The following KCTD16 variants were observed in gnomAD, a reference collection of about 807,000 sequenced individuals.
KCTD16 encodes the protein potassium channel tetramerization domain containing 16.
KCTD16 carries 13 observed loss-of-function variants against 33.2 expected under a neutral mutation model. The observed-to-expected ratio is 0.39, with a 90% CI of 0.25 to 0.62. The LOEUF (loss-of-function observed/expected upper bound fraction) is 0.62, where lower values mean the gene tolerates loss of function less well. KCTD16 is among the 20% of genes least tolerant of loss of function. The pLI, the probability that KCTD16 is intolerant of heterozygous loss-of-function variation, is 0.50. For missense variants in KCTD16, 441 were observed against 525.1 expected, an observed-to-expected ratio of 0.84 and a Z score of 1.57; for synonymous variants, 197 against 195.3, an observed-to-expected ratio of 1.01 and a Z score of -0.07.
chr5:144,437,235 C>G (rs1035420711), intron 3 of KCTD16, among the ~76,000 whole-genome samples: 1 of 152,112 alleles, frequency 6.6e-6, no homozygotes. Context: ...TGGGAGTAAT[C>G]AACTCACCAA....
chr5:144,430,536 A>C (rs1324671022), intron 3 of KCTD16, among the ~76,000 whole-genome samples: 2 of 152,128 alleles, frequency 1.3e-5, no homozygotes, highest in Non-Finnish European at 2.9e-5. Flanking sequence ...CTCATTGCTA[A>C]AATGAGAGAG....
chr5:144,196,813 G>A (rs1317625444), intron 2 of KCTD16, among the ~76,000 whole-genome samples: 5 of 152,326 alleles, frequency 3.3e-5, no homozygotes, highest in South Asian at 4.1e-4. Context: ...TATTGGAACT[G>A]CACATTGCAA....
At chr5:144,349,271 C>T (rs954210314) in intron 3 of KCTD16, among the ~76,000 whole-genome samples, 14 of 152,082 alleles carry the variant, frequency 9.2e-5, no homozygotes, top group African/African-American at 3.4e-4. Flanking sequence ...TAATTCTGAC[C>T]ACCTGGATTT....
At chr5:144,409,688 T>C (rs1200231384) in intron 3 of KCTD16, among the ~76,000 whole-genome samples, 1 of 151,846 alleles carries the variant, frequency 6.6e-6, no homozygotes, top group Non-Finnish European at 1.5e-5. Flanking sequence ...TGAAACCCCA[T>C]CTCTACTAAA....
intron 3 of KCTD16, among the ~76,000 whole-genome samples, chr5:144,233,537 C>A (rs1754166065): frequency 1.3e-5 from 2 of 152,084 alleles, no homozygotes; most frequent in African/African-American, 4.8e-5. Context: ...TTATTCCCCC[C>A]ACATCCAAAC....
intron 3 of KCTD16, among the ~76,000 whole-genome samples, chr5:144,373,833 A>G (rs1236326356): frequency 6.6e-6 from 1 of 152,204 alleles, no homozygotes; most frequent in Non-Finnish European, 1.5e-5. Flanking sequence ...ATGTGATTAC[A>G]TTGCTAATTG....
At chr5:144,296,150 A>G (rs954647363) in intron 3 of KCTD16, among the ~76,000 whole-genome samples, 2 of 152,178 alleles carry the variant, frequency 1.3e-5, no homozygotes, top group African/African-American at 2.4e-5. Context: ...ACTTCTCTAC[A>G]GAACAGTTAC....
chr5:144,452,016 G>A (rs780712579), intron 3 of KCTD16, among the ~76,000 whole-genome samples: 5 of 151,706 alleles, frequency 3.3e-5, no homozygotes, highest in South Asian at 2.1e-4. Context: ...TCTCTTTGGC[G>A]TTACAAACAG....
intron 3 of KCTD16, among the ~76,000 whole-genome samples, chr5:144,352,054 A>G (rs895719036): frequency 1.3e-5 from 2 of 152,198 alleles, no homozygotes; most frequent in South Asian, 2.1e-4. Context: ...AAATAAGTAT[A>G]TGTGTTCGTG....
At chr5:144,364,495 C>G (rs1439213475) in intron 3 of KCTD16, among the ~76,000 whole-genome samples, 1 of 152,118 alleles carries the variant, frequency 6.6e-6, no homozygotes, top group African/African-American at 2.4e-5. Context: ...CGAAGTAGAT[C>G]CAATCGCATT....
At chr5:144,204,888 A>G (rs572125440) in intron 2 of KCTD16, among the ~76,000 whole-genome samples, 1 of 152,176 alleles carries the variant, frequency 6.6e-6, no homozygotes, top group South Asian at 2.1e-4. Flanking sequence ...ATTAAAAAAA[A>G]CACTGTGTAG....
intron 3 of KCTD16, among the ~76,000 whole-genome samples, chr5:144,429,338 T>C (rs1242084304): frequency 6.6e-6 from 1 of 152,148 alleles, no homozygotes; most frequent in Non-Finnish European, 1.5e-5. Context: ...GAGTTCCCTA[T>C]GGCTGCTTTT....
At chr5:144,205,296 G>A (rs978831082) in intron 2 of KCTD16, 8 of 358,786 alleles carry the variant, frequency 2.2e-5, no homozygotes, top group African/African-American at 1.3e-4. Flanking sequence ...ACGTGACTCG[G>A]AGCTGCCTCC....
At chr5:144,301,584 T>G (rs1751445068) in intron 3 of KCTD16, among the ~76,000 whole-genome samples, 1 of 152,212 alleles carries the variant, frequency 6.6e-6, no homozygotes. Context: ...ATTCTTGCCT[T>G]AAGAATGGAT....
At chr5:144,394,685 C>T (rs997592523) in intron 3 of KCTD16, among the ~76,000 whole-genome samples, 11 of 152,186 alleles carry the variant, frequency 7.2e-5, no homozygotes, top group African/African-American at 2.7e-4. Context: ...AGTGAGTCCT[C>T]ACGAGATCTG....
intron 3 of KCTD16, among the ~76,000 whole-genome samples, chr5:144,211,372 T>C (rs943925602): frequency 2.6e-5 from 4 of 152,004 alleles, no homozygotes; most frequent in Admixed American, 2.0e-4. Flanking sequence ...CCAGTACAGG[T>C]TGAGCATCCC....
intron 3 of KCTD16, among the ~76,000 whole-genome samples, chr5:144,334,615 A>G (rs1373378635): frequency 6.6e-6 from 1 of 152,190 alleles, no homozygotes; most frequent in Non-Finnish European, 1.5e-5. Context: ...GATTTAAATT[A>G]ATCTTCATGG....
At chr5:144,460,127 C>G (rs189427425) in intron 3 of KCTD16, among the ~76,000 whole-genome samples, 2 of 152,124 alleles carry the variant, frequency 1.3e-5, no homozygotes, top group Non-Finnish European at 2.9e-5. Context: ...CCACCGCACC[C>G]GGCCTCCAAT....
intron 3 of KCTD16, among the ~76,000 whole-genome samples, chr5:144,286,521 T>C (rs932065642): frequency 6.6e-6 from 1 of 152,228 alleles, no homozygotes; most frequent in African/African-American, 2.4e-5. Context: ...CAAATAGTCA[T>C]GAACATTCAC....
Sources: gnomAD v4.1 joint callset for allele counts (sites outside exome capture counted in the v4.1 genomes callset) on GRCh38, gnomAD v4.1.1 for gene constraint, MANE v1.5 for transcripts, NCBI Gene and HGNC (gene_info 2026-07-23, HGNC 2026-07-21) for gene names.